CTNND2: variants seen among roughly 807,000 people sequenced by gnomAD.
The protein encoded by CTNND2 is catenin delta 2.
Under a neutral mutation model 144.4 loss-of-function variants are expected in CTNND2, and 22 were observed. That is an observed-to-expected ratio of 0.15 (90% CI 0.11 to 0.22). The LOEUF (loss-of-function observed/expected upper bound fraction) is 0.22, where lower values mean the gene tolerates loss of function less well. Ranked by LOEUF, CTNND2 falls within the 10% of genes least tolerant of loss-of-function variation. The pLI is 1.00. For missense variants in CTNND2, 1,353 were observed against 1,618.8 expected (o/e 0.84, Z 2.82); for synonymous variants, 751 against 695.6 (o/e 1.08, Z -1.25).
intron 9 of CTNND2, among the ~76,000 whole-genome samples, chr5:11,251,563 A>C (rs1316480358): frequency 6.6e-6 from 1 of 152,214 alleles, no homozygotes; most frequent in African/African-American, 2.4e-5. Context: ...TGAAAATTTA[A>C]AATATCCCTC....
intron 9 of CTNND2, among the ~76,000 whole-genome samples, chr5:11,309,039 T>C (rs927943084): frequency 6.6e-6 from 1 of 152,194 alleles, no homozygotes; most frequent in Non-Finnish European, 1.5e-5. Flanking sequence ...GAAATCAAAC[T>C]TCGTGATCCA....
intron 2 of CTNND2, among the ~76,000 whole-genome samples, chr5:11,587,951 G>GA (rs1236606462): frequency 6.6e-6 from 1 of 151,956 alleles, no homozygotes; most frequent in East Asian, 1.9e-4. Context: ...TGGCACAGGT[G>GA]AAATCTATGA....
At chr5:11,343,664 T>G (rs930450711) in intron 9 of CTNND2, among the ~76,000 whole-genome samples, 1 of 152,202 alleles carries the variant, frequency 6.6e-6, no homozygotes, top group African/African-American at 2.4e-5. Flanking sequence ...CTGGCACCAA[T>G]GCATTTTCAA....
rs780056692 is a variant in CTNND2 at position 11,346,433 on chromosome 5, G to A, written c.1567C>T (p.Leu523Phe). The A allele has an allele frequency of 7.7e-6, 12 of 1,557,780 alleles. No individual in the cohort carries two copies. Among genetic ancestry groups the A allele is most frequent in the African/African-American group, 1.4e-5 (1 of 72,604 alleles). The change falls in exon 9 of 22, where the codon CTC becomes TTC. Residue 523 changes from leucine to phenylalanine, a missense_variant. By Grantham distance (22) the Leu-to-Phe change is conservative. This residue lies in a region of CTNND2 where 708 missense variants were observed against 706.4 expected (regional missense o/e 1.00). Coordinates refer to ENST00000304623, the MANE Select transcript of CTNND2 (RefSeq NM_001332.4). ...ESPYSKSGPALPPEGTLARSP... is the reference protein window; with the variant it reads ...ESPYSKSGPAFPPEGTLARSP... ...CTGGCCAAGGTGCCTTCAGGCGGGA[G>A]AGCAGGGCCGGATTTGCTGTATGGA... is the stretch of plus-strand genomic sequence containing the variant.
intron 2 of CTNND2, among the ~76,000 whole-genome samples, chr5:11,591,406 AC>A (rs1451273198): frequency 6.6e-6 from 1 of 152,152 alleles, no homozygotes; most frequent in Non-Finnish European, 1.5e-5. Context: ...AACAACCCAT[AC>A]ATTAGCTCCT....
chr5:11,162,875 C>T (rs996219305), intron 11 of CTNND2, among the ~76,000 whole-genome samples: 1 of 144,728 alleles, frequency 6.9e-6, no homozygotes, highest in East Asian at 2.0e-4. Flanking sequence ...AATTCCACAT[C>T]TTTCCTGCTA....
At chr5:11,023,027 G>A (rs1211388873) in intron 16 of CTNND2, 48 bp from the exon 17 acceptor site, 1 of 1,561,466 alleles carries the variant, frequency 6.4e-7, no homozygotes, top group East Asian at 2.2e-5. Context: ...CAAGGTGAAG[G>A]CAGAGATAGT....
At chr5:11,832,962 G>GA (rs1449937313) in intron 1 of CTNND2, among the ~76,000 whole-genome samples, 4 of 139,330 alleles carry the variant, frequency 2.9e-5, no homozygotes, top group Non-Finnish European at 5.0e-5. Context: ...ACACAGGAAA[G>GA]AAAAAAAATT....
intron 12 of CTNND2, among the ~76,000 whole-genome samples, chr5:11,146,571 G>A (rs146175390): frequency 1.3e-5 from 2 of 152,174 alleles, no homozygotes; most frequent in African/African-American, 4.8e-5. Flanking sequence ...ATGATTAGAG[G>A]TATTAAAGAG....
At chr5:11,026,639 A>G (rs1012560634) in intron 16 of CTNND2, among the ~76,000 whole-genome samples, 1 of 152,050 alleles carries the variant, frequency 6.6e-6, no homozygotes, top group Admixed American at 6.6e-5. Flanking sequence ...TTACAGGTGT[A>G]AGCCACCATG....
At chr5:11,893,534 C>T (rs898101916) in intron 1 of CTNND2, among the ~76,000 whole-genome samples, 18 of 152,150 alleles carry the variant, frequency 1.2e-4, no homozygotes, top group African/African-American at 4.3e-4. Context: ...TTTAAGCTAC[C>T]TTGCACCTTT....
At chr5:11,414,546 C>A (rs1299677340) in intron 3 of CTNND2, among the ~76,000 whole-genome samples, 1 of 152,146 alleles carries the variant, frequency 6.6e-6, no homozygotes, top group Non-Finnish European at 1.5e-5. Context: ...CCAAACAGCT[C>A]CTAAGGATCC....
intron 7 of CTNND2, among the ~76,000 whole-genome samples, chr5:11,379,585 T>C (rs1185303463): frequency 6.6e-6 from 1 of 151,552 alleles, no homozygotes; most frequent in African/African-American, 2.4e-5. Context: ...TAAACAAACT[T>C]TGGGTCAGGA....
chr5:11,636,941 G>C (rs1005126839), intron 2 of CTNND2, among the ~76,000 whole-genome samples: 3 of 152,076 alleles, frequency 2.0e-5, no homozygotes, highest in South Asian at 4.1e-4. Context: ...CCAAGGTGCA[G>C]GTGGATTGTA....
intron 9 of CTNND2, among the ~76,000 whole-genome samples, chr5:11,251,887 G>A (rs778019711): frequency 3.7e-4 from 57 of 152,150 alleles, no homozygotes; most frequent in Non-Finnish European, 6.3e-4. Flanking sequence ...GTTTTGAAAT[G>A]TATCGTTTTA....
chr5:11,612,818 T>G (rs774950739), intron 2 of CTNND2, among the ~76,000 whole-genome samples: 1 of 152,100 alleles, frequency 6.6e-6, no homozygotes, highest in Non-Finnish European at 1.5e-5. Flanking sequence ...GAGGATCACT[T>G]GAGCCCTAGA....
chr5:11,039,985 C>G (rs1440210209), intron 16 of CTNND2, among the ~76,000 whole-genome samples: 1 of 152,110 alleles, frequency 6.6e-6, no homozygotes, highest in Non-Finnish European at 1.5e-5. Flanking sequence ...TCAGTTGGAC[C>G]TGGGAGGCAG....
intron 9 of CTNND2, among the ~76,000 whole-genome samples, chr5:11,247,445 TGTGGGGA>T (rs1743120534): frequency 6.6e-6 from 1 of 152,210 alleles, no homozygotes; most frequent in South Asian, 2.1e-4. Context: ...AAGGCCACCT[TGTGGGGA>T]CTGTGGGGAC....
intron 9 of CTNND2, among the ~76,000 whole-genome samples, chr5:11,248,537 C>T (rs1221911999): frequency 2.0e-5 from 3 of 152,090 alleles, no homozygotes; most frequent in Non-Finnish European, 4.4e-5. Context: ...ACTTAAAATA[C>T]ATTGTGTATA....
Sources: gnomAD v4.1 joint callset for allele counts (sites outside exome capture counted in the v4.1 genomes callset) on GRCh38, gnomAD v4.1.1 for gene constraint, gnomAD v4.1.1 regional missense constraint, MANE v1.5 for transcripts, NCBI Gene and HGNC (gene_info 2026-07-23, HGNC 2026-07-21) for gene names.